The following ESF1 variants were observed in gnomAD, a reference collection of about 807,000 sequenced individuals.
The protein encoded by ESF1 is ESF1 nucleolar pre-rRNA processing protein.
ESF1 carries 58 observed loss-of-function variants against 92.0 expected under a neutral mutation model. The observed-to-expected ratio is 0.63, with a 90% CI of 0.51 to 0.78. The LOEUF is 0.78. Ranked by LOEUF, ESF1 falls within the 30% of genes least tolerant of loss-of-function variation. The probability of loss-of-function intolerance (pLI) is 0.00; values close to 1 mark genes in which losing one functional copy is unlikely to be tolerated. For missense variants in ESF1, 922 were observed against 989.1 expected, an observed-to-expected ratio of 0.93 and a Z score of 0.91; for synonymous variants, 321 against 313.7, an observed-to-expected ratio of 1.02 and a Z score of -0.24.
At chr20:13,780,440 C>T (rs1268656359) in intron 2 of ESF1, among the ~76,000 whole-genome samples, 1 of 152,344 alleles carries the variant, frequency 6.6e-6, no homozygotes, top group South Asian at 2.1e-4. Context: ...ATTTTAGTAA[C>T]CGGATTCCTA....
chr20:13,725,129 T>G (rs564835615), intron 11 of ESF1, among the ~76,000 whole-genome samples: 7 of 152,332 alleles, frequency 4.6e-5, no homozygotes, highest in African/African-American at 1.7e-4. Context: ...CCCCCTCCAG[T>G]GACCTGTTTC....
intron 4 of ESF1, among the ~76,000 whole-genome samples, chr20:13,774,187 G>A (rs1979819233): frequency 6.6e-6 from 1 of 152,022 alleles, no homozygotes; most frequent in East Asian, 1.9e-4. Context: ...ACTTGAACTG[G>A]GATTTTGATC....
intron 7 of ESF1, among the ~76,000 whole-genome samples, chr20:13,768,580 T>C (rs1839026161): frequency 7.2e-6 from 1 of 138,242 alleles, no homozygotes; most frequent in Non-Finnish European, 1.5e-5. Flanking sequence ...AGACTCAGTC[T>C]CCAAAAAAAG....
At chr20:13,741,974 C>G (rs936137025) in intron 9 of ESF1, among the ~76,000 whole-genome samples, 1 of 152,148 alleles carries the variant, frequency 6.6e-6, no homozygotes, top group African/African-American at 2.4e-5. Flanking sequence ...TAGTATTTCA[C>G]AGAGAAGGAA....
In ESF1 at chr20:13,783,098, G is replaced by A. The variant is rs754783046; in HGVS notation, c.43C>T (p.Arg15Trp). 27 of 1,611,664 alleles carry A rather than the reference G, an allele frequency of 1.7e-5. No individual in the cohort carries two copies. The highest frequency in any genetic ancestry group is 1.3e-4 in the African/African-American group (10 of 74,958). The change falls in exon 2 of 14, where the codon CGG becomes TGG. Residue 15 changes from arginine to tryptophan, a missense_variant. Physicochemically the swap from Arg to Trp is moderately radical, Grantham distance 101. Coordinates refer to ENST00000617257, the MANE Select transcript of ESF1 (RefSeq NM_001276380.2). ...CAAAATCTCGGGTCCTTTGCAACCC[G>A]TCTAAACCGCTGGTCACTCATTATT... ...QEIMSDQRFR[R>W]VAKDPRFWEM...
Position 13,769,961 on chromosome 20 carries a change from ATT to A in ESF1, c.1462_1463del (p.Asn488PhefsTer5). The A allele has an allele frequency of 6.2e-7, 1 of 1,612,580 alleles. No homozygotes were observed. The highest frequency in any genetic ancestry group is 8.5e-7 in the Non-Finnish European group (1 of 1,179,768). On this transcript the variant is annotated frameshift_variant, in exon 7 of 14. Coordinates refer to ENST00000617257, the MANE Select transcript of ESF1 (RefSeq NM_001276380.2). LOFTEE classifies it high-confidence loss of function. ...DEPKDVASEV[N>X]LTAYKPKYFT... ...AATATTTTGGTTTATATGCTGTTAA[ATT>A]CACTTCTGAGGCTACATCCTTAGGC...
chr20:13,751,132 G>T (rs1978614755), intron 9 of ESF1, among the ~76,000 whole-genome samples: 1 of 152,160 alleles, frequency 6.6e-6, no homozygotes, highest in South Asian at 2.1e-4. Context: ...TTTCAATTTT[G>T]CAATAATGAA....
chr20:13,783,210 G>A, intron 1 of ESF1, 27 bp from the exon 2 acceptor site: 7 of 1,397,876 alleles, frequency 5.0e-6, no homozygotes, highest in Middle Eastern at 2.4e-4. Context: ...ATGTTTTAAT[G>A]GTAATAATGG....
At chr20:13,730,408 G>C (rs1303303765) in intron 10 of ESF1, among the ~76,000 whole-genome samples, 1 of 144,990 alleles carries the variant, frequency 6.9e-6, no homozygotes, top group African/African-American at 2.6e-5. Context: ...TTTTGAGACG[G>C]AGTCTCACTC....
chr20:13,784,507 T>C (rs1044318399), intron 1 of ESF1, among the ~76,000 whole-genome samples: 1 of 152,154 alleles, frequency 6.6e-6, no homozygotes, highest in Non-Finnish European at 1.5e-5. Flanking sequence ...GCACTCATTA[T>C]ATGTCAGATA....
At chr20:13,769,836 ATAAG>A (rs144177898) in intron 7 of ESF1, 67 bp downstream of exon 7, 30,147 of 968,872 alleles carry the variant, frequency 0.031, 873 homozygotes, top group African/African-American at 0.13. Flanking sequence ...TAAAGATGCT[ATAAG>A]TAATATACAA....
chr20:13,764,700 G>A (rs1275740607), intron 8 of ESF1, among the ~76,000 whole-genome samples: 3 of 152,002 alleles, frequency 2.0e-5, no homozygotes, highest in East Asian at 1.9e-4. Flanking sequence ...TATTTCCCAC[G>A]CATTACATGG....
intron 8 of ESF1, among the ~76,000 whole-genome samples, chr20:13,764,358 A>T (rs1979334335): frequency 6.6e-6 from 1 of 152,186 alleles, no homozygotes; most frequent in South Asian, 2.1e-4. Flanking sequence ...ACCAGTTTCC[A>T]AACAGAGACA....
rs1333349510 is a variant in ESF1 at position 13,715,094 on chromosome 20, T to C, written c.2336A>G (p.Asn779Ser). The C allele has an allele frequency of 2.5e-6, 4 of 1,613,814 alleles. No individual in the cohort carries two copies. The highest frequency in any genetic ancestry group is 1.7e-5 in the Admixed American group (1 of 59,976). The change falls in exon 14 of 14, where the codon AAT becomes AGT. Residue 779 changes from asparagine to serine, a missense_variant. Asn to Ser is a conservative substitution (Grantham distance 46). Coordinates refer to ENST00000617257, the MANE Select transcript of ESF1 (RefSeq NM_001276380.2). ...HLFNLDPSDP[N>S]FKKTKAMEKI... is the part of the protein sequence containing the mutation. The stretch of plus-strand genomic sequence containing the variant: ...TTCCATAGCTTTTGTTTTCTTGAAA[T>C]TGGGATCTGAGGGGTCCAAATTGAA...
At chr20:13,770,375 T>C (rs768038357) in intron 6 of ESF1, among the ~76,000 whole-genome samples, 1 of 152,226 alleles carries the variant, frequency 6.6e-6, no homozygotes, top group Non-Finnish European at 1.5e-5. Context: ...CATGATTTTG[T>C]TGTTGTTTTT....
chr20:13,716,543 T>TG (rs1231421555), intron 13 of ESF1, among the ~76,000 whole-genome samples: 1 of 152,052 alleles, frequency 6.6e-6, no homozygotes, highest in Non-Finnish European at 1.5e-5. Context: ...AAAGAAACAA[T>TG]GATTTCATCC....
chr20:13,778,914 G>A (rs1021633754), intron 2 of ESF1, among the ~76,000 whole-genome samples: 1 of 151,936 alleles, frequency 6.6e-6, no homozygotes, highest in Non-Finnish European at 1.5e-5. Flanking sequence ...GGCATGGTGG[G>A]GTGCACCTGT....
chr20:13,748,160 G>A (rs1978365287), intron 9 of ESF1, among the ~76,000 whole-genome samples: 1 of 152,062 alleles, frequency 6.6e-6, no homozygotes, highest in South Asian at 2.1e-4. Flanking sequence ...GCCTTATAAA[G>A]CTCTATTTCT....
Position 13,714,485 on chromosome 20 carries a change from T to G in ESF1, c.*389A>C, listed in dbSNP as rs2049809161. On this transcript the variant is annotated 3_prime_UTR_variant, in exon 14 of 14. Coordinates refer to ENST00000617257, the MANE Select transcript of ESF1 (RefSeq NM_001276380.2). Reference sequence around the variant, plus strand: ...TCCTGCTTCCAGAGAAATTAATGTATTAAATATATATATTTTTCAAATTAT... The same window carrying G: ...TCCTGCTTCCAGAGAAATTAATGTAGTAAATATATATATTTTTCAAATTAT... 6.5e-6 allele frequency: 1 copy of G among 152,930 alleles called. No individual in the cohort carries two copies. The highest frequency in any genetic ancestry group is 1.5e-5 in the Non-Finnish European group (1 of 68,632). 9.5% of individuals were successfully genotyped at this position (152,930 alleles called of 1,614,324 possible).
Sources: allele counts gnomAD v4.1 joint callset (sites outside exome capture counted in the v4.1 genomes callset), GRCh38; gene constraint gnomAD v4.1.1; transcripts MANE v1.5; gene names NCBI Gene and HGNC (gene_info 2026-07-23, HGNC 2026-07-21).